C6: variants seen among roughly 807,000 people sequenced by gnomAD.
The protein encoded by C6 is complement component C6.
A neutral mutation model predicts 112.9 loss-of-function variants in C6; 101 were observed. The observed-to-expected ratio is 0.89, with a 90% CI of 0.76 to 1.06. C6 has a LOEUF of 1.06. Ranked by LOEUF, C6 falls within the 50% of genes least tolerant of loss-of-function variation. The pLI is 0.00. For synonymous variants in C6, 431 were observed against 384.1 expected (o/e 1.12, Z -1.43); for missense variants, 1,202 against 1,104.6 (o/e 1.09, Z -1.25).
At chr5:41,237,040 A>C (rs1478216150) in intron 1 of C6, among the ~76,000 whole-genome samples, 20 of 150,030 alleles carry the variant, frequency 1.3e-4, no homozygotes, top group African/African-American at 4.4e-4. Context: ...GAAGTTGAAT[A>C]TCTGAATAGA....
upstream of C6, among the ~76,000 whole-genome samples, chr5:41,215,593 CCTT>C (rs1279345644): frequency 2.0e-5 from 3 of 152,106 alleles, no homozygotes; most frequent in African/African-American, 4.8e-5. Flanking sequence ...ACACAGAAGA[CCTT>C]CTCACACAAA....
chr5:41,226,441 A>G (rs1160431944), intron 1 of C6, among the ~76,000 whole-genome samples: 1 of 152,216 alleles, frequency 6.6e-6, no homozygotes. Flanking sequence ...ATCATTAAAA[A>G]GTCAGGAAAC....
At chr5:41,209,848 C>A (rs964400529) in intron 1 of C6, among the ~76,000 whole-genome samples, 2 of 152,162 alleles carry the variant, frequency 1.3e-5, no homozygotes, top group Non-Finnish European at 2.9e-5. Context: ...ACTTTCTTCA[C>A]AGAATTGGTA....
chr5:41,201,465 A>T (rs1751024532), intron 3 of C6, 93 bp downstream of exon 3: 1 of 1,221,166 alleles, frequency 8.2e-7, no homozygotes, highest in Non-Finnish European at 1.2e-6. Context: ...CAGAAATTGA[A>T]GTAATTCAGC....
chr5:41,170,662 C>A (rs1169751392), intron 9 of C6, among the ~76,000 whole-genome samples: 1 of 151,996 alleles, frequency 6.6e-6, no homozygotes, highest in Non-Finnish European at 1.5e-5. Context: ...TGTATGTAGA[C>A]CATCTACCTG....
intron 4 of C6, among the ~76,000 whole-genome samples, chr5:41,197,367 T>C (rs1477471958): frequency 3.9e-5 from 6 of 152,160 alleles, no homozygotes; most frequent in African/African-American, 1.4e-4. Flanking sequence ...TTTTAAACAG[T>C]GCATTTCTAG....
intron 1 of C6, among the ~76,000 whole-genome samples, chr5:41,248,974 TA>T (rs1741182168): frequency 6.6e-6 from 1 of 152,130 alleles, no homozygotes; most frequent in African/African-American, 2.4e-5. Context: ...TATATAGTCA[TA>T]AAAAAGAACA....
chr5:41,165,474 G>A (rs1356676474), intron 9 of C6, among the ~76,000 whole-genome samples: 2 of 152,028 alleles, frequency 1.3e-5, no homozygotes, highest in Non-Finnish European at 2.9e-5. Flanking sequence ...GCATGAGGTG[G>A]TATTTTATGG....
chr5:41,160,030 T>A lies in C6; in HGVS notation c.1684+112A>T, dbSNP rs1747322419. 4.8e-6 allele frequency: 4 copies of A among 827,754 alleles called. No individual in the cohort carries two copies. The South Asian group carries it at 5.7e-5, about 12-fold the overall frequency. 51.3% of individuals were successfully genotyped at this position (827,754 alleles called of 1,614,324 possible). A position where few individuals can be genotyped will look rare whatever the true frequency, so the allele number is the denominator to read the frequency against. Reference sequence around the variant, plus strand: ...TGCAGGTTTATCTTCCCTCTGAGCCTGTACAAGGTGGAGGTTGCTAATAGA... The same window carrying A: ...TGCAGGTTTATCTTCCCTCTGAGCCAGTACAAGGTGGAGGTTGCTAATAGA... On this transcript the variant is annotated intron_variant, in intron 11 of 17. Transcript: ENST00000337836.
chr5:41,230,251 A>C (rs1381175150), intron 1 of C6, among the ~76,000 whole-genome samples: 1 of 152,106 alleles, frequency 6.6e-6, no homozygotes, highest in Non-Finnish European at 1.5e-5. Context: ...GGTCTGACTG[A>C]CTGGGGGGTT....
chr5:41,161,520 C>T (rs539910574), intron 10 of C6, among the ~76,000 whole-genome samples, 173 bp downstream of exon 10: 28 of 151,916 alleles, frequency 1.8e-4, no homozygotes, highest in African/African-American at 2.7e-4. Context: ...GAATAGCAAA[C>T]GCATTAGACA....
Position 41,205,710 on chromosome 5 carries a change from A to C in C6, c.-20-2460T>G, listed in dbSNP as rs1751382447. 2.0e-5 allele frequency among the ~76,000 whole-genome samples: 3 copies of C among 152,300 alleles called. No individual in the cohort carries two copies. The South Asian group carries it at 6.2e-4, about 32-fold the overall frequency. ...TTTGCTGAGGCTTGAGTAGGTAAAC[A>C]AAGCAGCTGGGAATCTCGAACCTGG... On this transcript the variant is annotated intron_variant, in intron 1 of 17. Transcript: ENST00000337836.
chr5:41,229,499 TATTG>T (rs1739747918), intron 1 of C6, among the ~76,000 whole-genome samples: 2 of 152,268 alleles, frequency 1.3e-5, no homozygotes, highest in South Asian at 4.1e-4. Flanking sequence ...TTCCTCCTGT[TATTG>T]ATTTCTAGTT....
At chr5:41,172,032 C>T (rs1748462180) in intron 9 of C6, among the ~76,000 whole-genome samples, 193 bp downstream of exon 9, 1 of 152,092 alleles carries the variant, frequency 6.6e-6, no homozygotes, top group African/African-American at 2.4e-5. Context: ...TAAAGAAAAC[C>T]TTAACAATTT....
Position 41,203,071 on chromosome 5 carries a change from A to G in C6, c.143+17T>C, listed in dbSNP as rs1751155464. On this transcript the variant is annotated intron_variant, in intron 2 of 17. Coordinates refer to ENST00000337836, the MANE Select transcript of C6 (RefSeq NM_000065.5). ...TCCTTCCAGGACACAAAGAAAAGCC[A>G]CAAAGCTCACACCCACCTGTGTCTG... The G allele has an allele frequency of 6.2e-6, 10 of 1,613,608 alleles. No homozygotes were observed. The East Asian group carries it at 1.8e-4, about 29-fold the overall frequency.
chr5:41,184,383 A>C (rs1279764781), intron 6 of C6, among the ~76,000 whole-genome samples: 1 of 152,224 alleles, frequency 6.6e-6, no homozygotes, highest in Non-Finnish European at 1.5e-5. Flanking sequence ...TAAGAGCCAG[A>C]AGCCAGGAAT....
At chr5:41,239,111 CTT>C (rs34322889) in intron 1 of C6, among the ~76,000 whole-genome samples, 6 of 121,632 alleles carry the variant, frequency 4.9e-5, no homozygotes, top group African/African-American at 1.5e-4. Context: ...TCTTTTCTTT[CTT>C]TTTTTTTTTT....
chr5:41,161,400 T>TA (rs1287120911), intron 10 of C6, among the ~76,000 whole-genome samples: 9 of 152,028 alleles, frequency 5.9e-5, no homozygotes, highest in African/African-American at 2.2e-4. Flanking sequence ...CATGAAAAAA[T>TA]AAAAAGTACT....
chr5:41,260,732 G>C (rs1167362475), intron 1 of C6, among the ~76,000 whole-genome samples: 2 of 151,032 alleles, frequency 1.3e-5, no homozygotes, highest in Non-Finnish European at 2.9e-5. Context: ...CCAAGATGGC[G>C]CCATTGCACT....
Sources: gnomAD v4.1 joint callset for allele counts (sites outside exome capture counted in the v4.1 genomes callset) on GRCh38, gnomAD v4.1.1 for gene constraint, MANE v1.5 for transcripts, NCBI Gene and HGNC (gene_info 2026-07-23, HGNC 2026-07-21) for gene names.